DOCK8: variants seen among roughly 807,000 people sequenced by gnomAD.
DOCK8 encodes dedicator of cytokinesis protein 8.
A neutral mutation model predicts 245.6 loss-of-function variants in DOCK8; 141 were observed. The observed-to-expected ratio is 0.57, with a 90% CI of 0.50 to 0.66. DOCK8 has a LOEUF of 0.66. Ranked by LOEUF, DOCK8 falls within the 30% of genes least tolerant of loss-of-function variation. DOCK8 has a pLI of 0.00. For missense variants in DOCK8, 2,965 were observed against 2,603.4 expected (o/e 1.14, Z -3.02); for synonymous variants, 1,168 against 970.2 (o/e 1.20, Z -3.79).
At chr9:243,703 A>G (rs1177965008) in intron 1 of DOCK8, among the ~76,000 whole-genome samples, 1 of 152,080 alleles carries the variant, frequency 6.6e-6, no homozygotes, top group Non-Finnish European at 1.5e-5. Flanking sequence ...GGTTCCAGAT[A>G]AAGTGTTATT....
At position 215,233 on chromosome 9, in the gene DOCK8, T is replaced by C. The variant is rs554065204; in HGVS notation, c.53+204T>C. ...GGCTCCTGCGCTGGGCCCGGCGAGG[T>C]CCTCCCCAAGAATCTCGGTGCTCCT... On this transcript the variant is annotated intron_variant, in intron 1 of 47. Transcript: ENST00000432829. The C allele has an allele frequency of 1.2e-5, 19 of 1,565,580 alleles. No homozygotes were observed. The African/African-American group carries it at 1.2e-4, about 10-fold the overall frequency.
chr9:335,878 C>T (rs144859634), intron 11 of DOCK8, among the ~76,000 whole-genome samples: 3 of 152,280 alleles, frequency 2.0e-5, no homozygotes, highest in Non-Finnish European at 2.9e-5. Flanking sequence ...TACTCAAAGA[C>T]GGGTTGGAAC....
At chr9:397,516 C>A (rs567068408) in intron 25 of DOCK8, among the ~76,000 whole-genome samples, 1 of 151,892 alleles carries the variant, frequency 6.6e-6, no homozygotes. Flanking sequence ...TGTTGAAACC[C>A]CGTCTCTACT....
chr9:364,641 G>GAAAA (rs34033459), intron 14 of DOCK8, among the ~76,000 whole-genome samples: 2,329 of 84,398 alleles, frequency 0.028, 78 homozygotes, highest in African/African-American at 0.097. Context: ...CTCAAAAATT[G>GAAAA]AAAAAAAAAA....
chr9:315,698 C>T (rs1335377015), intron 6 of DOCK8, among the ~76,000 whole-genome samples: 1 of 152,002 alleles, frequency 6.6e-6, no homozygotes, highest in African/African-American at 2.4e-5. Flanking sequence ...ACCAGAATGC[C>T]CCTGAATTGA....
rs544835056 is a variant in DOCK8, at chr9:401,548, G to A, written c.3234+2289G>A. 4.6e-5 allele frequency among the ~76,000 whole-genome samples: 7 copies of A among 152,270 alleles called. No homozygotes were observed. In the East Asian group the frequency reaches 9.6e-4, roughly 21 times the overall value. Reference sequence around the variant, plus strand: ...TATCATTAGGAAACAGCTGTCCATCGAGATTTTATGGGGTCTGCAAAGGAG... The same window carrying A: ...TATCATTAGGAAACAGCTGTCCATCAAGATTTTATGGGGTCTGCAAAGGAG... On this transcript the variant is annotated intron_variant, in intron 26 of 47. Transcript: ENST00000432829.
intron 1 of DOCK8, among the ~76,000 whole-genome samples, chr9:225,226 T>C (rs889983548): frequency 3.9e-4 from 59 of 152,144 alleles, no homozygotes; most frequent in African/African-American, 1.4e-3. Flanking sequence ...CAGTGTTTGA[T>C]TGTGTGGCTG....
At chr9:421,461 C>T (rs772864361) in intron 32 of DOCK8, among the ~76,000 whole-genome samples, 2 of 152,044 alleles carry the variant, frequency 1.3e-5, no homozygotes, top group Non-Finnish European at 1.5e-5. Context: ...ACAGTTCTGG[C>T]CCCAAGATCA....
chr9:260,179 C>T (rs1311520270), intron 1 of DOCK8, among the ~76,000 whole-genome samples: 1 of 152,224 alleles, frequency 6.6e-6, no homozygotes, highest in African/African-American at 2.4e-5. Context: ...TATCCAACTG[C>T]CAACTTGACA....
At chr9:429,931 T>C in intron 36 of DOCK8, 77 bp downstream of exon 36, 2 of 1,560,414 alleles carry the variant, frequency 1.3e-6, no homozygotes, top group Non-Finnish European at 1.7e-6. Flanking sequence ...CGAAAAAAAA[T>C]AAGGAAATTT....
At chr9:347,563 G>A (rs1410217) in intron 14 of DOCK8, among the ~76,000 whole-genome samples, 83,136 of 151,902 alleles carry the variant, frequency 0.55, 24,097 homozygotes, top group East Asian at 0.84. Flanking sequence ...CCCAGTACTT[G>A]GTTTTACTAG....
chr9:454,295 G>A (rs1306618818), intron 46 of DOCK8: 4 of 152,172 alleles, frequency 2.6e-5, no homozygotes, highest in African/African-American at 9.7e-5. Context: ...CAGAGAGAGA[G>A]AGAGAGACCA....
At chr9:314,173 T>C (rs537725926) in intron 6 of DOCK8, 1 of 152,336 alleles carries the variant, frequency 6.6e-6, no homozygotes, top group South Asian at 2.1e-4. Context: ...AATATGATAT[T>C]TTTAAATATC....
At chr9:458,755 G>A (rs2057716696) in intron 46 of DOCK8, among the ~76,000 whole-genome samples, 1 of 152,152 alleles carries the variant, frequency 6.6e-6, no homozygotes, top group Admixed American at 6.5e-5. Flanking sequence ...AGGTTGCAGT[G>A]AGCTGAGATC....
chr9:286,889 C>T (rs949512373), intron 3 of DOCK8, among the ~76,000 whole-genome samples: 1 of 152,166 alleles, frequency 6.6e-6, no homozygotes, highest in East Asian at 1.9e-4. Context: ...ATGAAATGCT[C>T]AAGAGGAGGT....
intron 8 of DOCK8, 125 bp downstream of exon 8, chr9:325,862 G>C: frequency 1.1e-6 from 1 of 891,354 alleles, no homozygotes. Flanking sequence ...TCTTTGATGA[G>C]TCCAGTTCTG....
chr9:266,111 C>T (rs1563853108), intron 1 of DOCK8, among the ~76,000 whole-genome samples: 1 of 152,158 alleles, frequency 6.6e-6, no homozygotes, highest in Non-Finnish European at 1.5e-5. Flanking sequence ...TCCATTAGAA[C>T]TTCTTTTACG....
chr9:333,330 G>GCA (rs1563931312), intron 10 of DOCK8, among the ~76,000 whole-genome samples: 2 of 152,222 alleles, frequency 1.3e-5, no homozygotes, highest in Admixed American at 6.5e-5. Flanking sequence ...GGCCGGGCGT[G>GCA]GTGGCTCACA....
At chr9:422,229 A>G in intron 33 of DOCK8, 94 bp downstream of exon 33, 1 of 1,023,166 alleles carries the variant, frequency 9.8e-7, no homozygotes, top group Non-Finnish European at 1.5e-6. Context: ...GCATCCTTCC[A>G]AGGGTTAGAA....
Sources: gnomAD v4.1 joint callset for allele counts (sites outside exome capture counted in the v4.1 genomes callset) on GRCh38, gnomAD v4.1.1 for gene constraint, MANE v1.5 for transcripts, NCBI Gene and HGNC (gene_info 2026-07-23, HGNC 2026-07-21) for gene names.